The following CFAP58 variants were observed in gnomAD, a reference collection of about 807,000 sequenced individuals.
CFAP58 encodes the protein cilia and flagella associated protein 58, also known as cilia- and flagella-associated protein 58.
CFAP58 carries 88 observed loss-of-function variants against 119.5 expected under a neutral mutation model. That is an observed-to-expected ratio of 0.74 (90% CI 0.62 to 0.88). CFAP58 has a LOEUF of 0.88. Among genes scored for constraint, CFAP58 ranks in the 40% least tolerant of loss-of-function variants. CFAP58 has a pLI of 0.00. For missense variants in CFAP58, 990 were observed against 1,021.2 expected (o/e 0.97, Z 0.42); for synonymous variants, 365 against 366.3 (o/e 1.00, Z 0.04).
intron 15 of CFAP58, among the ~76,000 whole-genome samples, chr10:104,434,789 A>T (rs374655432): frequency 6.6e-6 from 1 of 152,332 alleles, no homozygotes. Context: ...AATTGCTCTT[A>T]TCACAACATC....
At chr10:104,423,545 T>G (rs1358821570) in intron 15 of CFAP58, among the ~76,000 whole-genome samples, 1 of 55,046 alleles carries the variant, frequency 1.8e-5, no homozygotes, top group Non-Finnish European at 5.4e-5. Context: ...TAAACAGGAG[T>G]TTTTTTTTTT....
rs1564876249 is a variant in CFAP58 at position 104,357,977 on chromosome 10, ACATATG to A, written c.10-363_10-358del. ...TATACACATATATGTACACATATGTACATATGTACACATATATGTACACATATATAC... is the reference window on the plus strand; with the variant it reads ...TATACACATATATGTACACATATGTATACACATATATGTACACATATATAC... On this transcript the variant is annotated intron_variant, in intron 1 of 17. Coordinates refer to ENST00000369704, the MANE Select transcript of CFAP58 (RefSeq NM_001008723.2). 4.1e-4 allele frequency among the ~76,000 whole-genome samples: 56 copies of A among 136,038 alleles called. 1 individual carries two copies. Among genetic ancestry groups the A allele is most frequent in the African/African-American group, 1.2e-3 (35 of 29,510 alleles). The allele number at this position is 136,038 out of a possible 152,430, so 89.2% of individuals were successfully genotyped here.
intron 7 of CFAP58, among the ~76,000 whole-genome samples, chr10:104,371,703 T>C (rs1415554484): frequency 1.3e-5 from 2 of 152,226 alleles, no homozygotes; most frequent in Admixed American, 6.5e-5. Context: ...GGGCACTGCC[T>C]GGCACACACA....
chr10:104,412,530 G>T (rs2012477996), intron 15 of CFAP58, among the ~76,000 whole-genome samples: 1 of 152,026 alleles, frequency 6.6e-6, no homozygotes, highest in African/African-American at 2.4e-5. Flanking sequence ...TGTTCCATAG[G>T]ATTTGACAGT....
At chr10:104,427,459 C>T (rs2012769295) in intron 15 of CFAP58, among the ~76,000 whole-genome samples, 1 of 152,040 alleles carries the variant, frequency 6.6e-6, no homozygotes, top group Non-Finnish European at 1.5e-5. Flanking sequence ...TATATATTGT[C>T]TCATTCGGTC....
intron 7 of CFAP58, among the ~76,000 whole-genome samples, chr10:104,373,879 TG>T: frequency 6.6e-6 from 1 of 152,162 alleles, no homozygotes; most frequent in African/African-American, 2.4e-5. Flanking sequence ...AACAGATCAA[TG>T]AAAGAGATTG....
In CFAP58 at chr10:104,447,822, G is replaced by A. The variant is rs1372858637; in HGVS notation, c.2376+5G>A. On this transcript the variant is annotated splice_donor_5th_base_variant and intron_variant, in intron 16 of 17. Transcript: ENST00000369704. ...GACAAGAAGCAGCAGCTGAAAGTAA[G>A]TGGTAGCCCCTGTTCCTTCCGGGTT... is the stretch of plus-strand genomic sequence containing the variant. 1.2e-6 allele frequency: 2 copies of A among 1,609,156 alleles called. No individual in the cohort carries two copies. The highest frequency in any genetic ancestry group is 8.5e-7 in the Non-Finnish European group (1 of 1,177,192).
At chr10:104,351,536 C>T (rs193257184), upstream of CFAP58, 1 of 152,288 alleles carries the variant, frequency 6.6e-6, no homozygotes, top group East Asian at 1.9e-4. Context: ...AGAACATACT[C>T]ATGTCTATTT....
At chr10:104,401,497 T>C (rs2012264330) in intron 13 of CFAP58, among the ~76,000 whole-genome samples, 1 of 152,258 alleles carries the variant, frequency 6.6e-6, no homozygotes, top group African/African-American at 2.4e-5. Context: ...CAAGATCTAC[T>C]TTCCCTTTGG....
chr10:104,357,942 T>G (rs546590149), intron 1 of CFAP58, among the ~76,000 whole-genome samples: 2 of 128,708 alleles, frequency 1.6e-5, no homozygotes, highest in South Asian at 4.4e-4. Flanking sequence ...CACACATATA[T>G]GTACACATAT....
At chr10:104,346,257 C>G in the CFAP58 span, among the ~76,000 whole-genome samples, 1 of 152,010 alleles carries the variant, frequency 6.6e-6, no homozygotes, top group Admixed American at 6.5e-5. Context: ...CCCCATGACC[C>G]GAACACCTGA....
At chr10:104,447,952 G>A (rs1488531653) in intron 16 of CFAP58, 135 bp downstream of exon 16, 1 of 1,144,098 alleles carries the variant, frequency 8.7e-7, no homozygotes, top group Non-Finnish European at 1.2e-6. Context: ...CTCCCTTAGA[G>A]CTCTAGTCTA....
At position 104,357,951 on chromosome 10, in the gene CFAP58, A is replaced by ATG. The variant is rs1371423886; in HGVS notation, c.10-389_10-388insGT. 4.0e-3 allele frequency among the ~76,000 whole-genome samples: 445 copies of ATG among 112,318 alleles called. 13 individuals are homozygous for ATG. Among genetic ancestry groups the ATG allele is most frequent in the African/African-American group, 0.022 (411 of 18,654 alleles). 73.7% of individuals were successfully genotyped at this position (112,318 alleles called of 152,430 possible). A position where few individuals can be genotyped will look rare whatever the true frequency, so the allele number is the denominator to read the frequency against. On this transcript the variant is annotated intron_variant, in intron 1 of 17. Coordinates refer to ENST00000369704, the MANE Select transcript of CFAP58 (RefSeq NM_001008723.2). ...CATATACACACATATATGTACACAT[A>ATG]TATACACATATATGTACACATATGT...
Position 104,400,726 on chromosome 10 carries a change from AT to A in CFAP58, c.1863del (p.Asn621LysfsTer4). 6.2e-7 allele frequency: 1 copy of A among 1,614,120 alleles called. No individual in the cohort carries two copies. The highest frequency in any genetic ancestry group is 1.1e-5 in the South Asian group (1 of 91,084). On this transcript the variant is annotated frameshift_variant, in exon 13 of 18. Transcript: ENST00000369704. LOFTEE classifies it high-confidence loss of function. ...DILGSQLVRR[N>X]DELALLYEKI... ...CTGGGGTCTCAGCTTGTTCGGCGCAATGATGAGTTAGCTTTGCTCTATGAGA... is the reference window on the plus strand; with the variant it reads ...CTGGGGTCTCAGCTTGTTCGGCGCAAGATGAGTTAGCTTTGCTCTATGAGA...
chr10:104,453,368 A>C (rs1206765409), intron 17 of CFAP58, among the ~76,000 whole-genome samples: 3 of 152,202 alleles, frequency 2.0e-5, no homozygotes, highest in Non-Finnish European at 4.4e-5. Flanking sequence ...CTCCCAATGG[A>C]ATAATTTAGA....
At chr10:104,376,098 G>A (rs2011653220) in intron 7 of CFAP58, among the ~76,000 whole-genome samples, 1 of 152,164 alleles carries the variant, frequency 6.6e-6, no homozygotes, top group South Asian at 2.1e-4. Flanking sequence ...TTTCCCACAA[G>A]AGACTTCGCA....
intron 15 of CFAP58, among the ~76,000 whole-genome samples, chr10:104,438,098 T>C (rs1202740463): frequency 1.3e-5 from 2 of 152,148 alleles, no homozygotes; most frequent in African/African-American, 4.8e-5. Flanking sequence ...TATGATAACA[T>C]TGAGATGCCA....
chr10:104,435,179 G>A lies in CFAP58; in HGVS notation c.2257-12519G>A, dbSNP rs149140016. Among the ~76,000 whole-genome samples, 288 of 152,306 alleles carry A rather than the reference G, an allele frequency of 1.9e-3. 1 individual carries two copies. Among genetic ancestry groups the A allele is most frequent in the African/African-American group, 6.6e-3 (274 of 41,578 alleles). On this transcript the variant is annotated intron_variant, in intron 15 of 17. Coordinates refer to ENST00000369704, the MANE Select transcript of CFAP58 (RefSeq NM_001008723.2). ...TGAATGAATGGTCAAATAAATTCAT[G>A]TTTAAATAGATAAGTAAACAGGCCG...
chr10:104,357,779 G>A (rs1280587831), intron 1 of CFAP58, among the ~76,000 whole-genome samples: 3 of 148,416 alleles, frequency 2.0e-5, no homozygotes, highest in African/African-American at 7.7e-5. Flanking sequence ...GTGTATATAT[G>A]TGTGTTTATA....
Sources: allele counts gnomAD v4.1 joint callset (sites outside exome capture counted in the v4.1 genomes callset), GRCh38; gene constraint gnomAD v4.1.1; transcripts MANE v1.5; gene names NCBI Gene and HGNC (gene_info 2026-07-23, HGNC 2026-07-21).